Variants in SPMAP2L observed in about 807,000 individuals in gnomAD.
The protein encoded by SPMAP2L is sperm microtubule associated protein 2 like, also known as sperm microtubule associated protein 2-like.
At chr4:56,535,223 C>A in the SPMAP2L span, among the ~76,000 whole-genome samples, 1 of 152,114 alleles carries the variant, frequency 6.6e-6, no homozygotes, top group Admixed American at 6.5e-5. Flanking sequence ...CATCTCTTGC[C>A]TGGTCTAAGG....
the SPMAP2L span, among the ~76,000 whole-genome samples, chr4:56,537,263 T>C: frequency 6.6e-6 from 1 of 152,138 alleles, no homozygotes; most frequent in Non-Finnish European, 1.5e-5. Context: ...TTAAAAAATA[T>C]TTACACTTTT....
the SPMAP2L span, among the ~76,000 whole-genome samples, chr4:56,549,081 C>T: frequency 0.023 from 3,480 of 151,548 alleles, 132 homozygotes; most frequent in African/African-American, 0.074. Flanking sequence ...CTCTGCCTCC[C>T]GGGTTCAAGT....
the SPMAP2L span, among the ~76,000 whole-genome samples, chr4:56,564,765 C>T: frequency 1.3e-5 from 2 of 151,926 alleles, no homozygotes; most frequent in African/African-American, 2.4e-5. Context: ...AGATCGTTGA[C>T]TTGAGACCTT....
the SPMAP2L span, among the ~76,000 whole-genome samples, chr4:56,592,698 G>T: frequency 3.9e-5 from 6 of 152,010 alleles, no homozygotes; most frequent in East Asian, 1.2e-3. Flanking sequence ...CTCCTGGGCC[G>T]CGGGGTCGGG....
At chr4:56,598,560 G>C in the SPMAP2L span, among the ~76,000 whole-genome samples, 3 of 152,034 alleles carry the variant, frequency 2.0e-5, no homozygotes, top group Non-Finnish European at 4.4e-5. Flanking sequence ...AGAGACTTGA[G>C]TGAGGGAGAG....
At chr4:56,564,921 G>A in the SPMAP2L span, among the ~76,000 whole-genome samples, 1 of 152,066 alleles carries the variant, frequency 6.6e-6, no homozygotes, top group Non-Finnish European at 1.5e-5. Context: ...TCATGTTTGA[G>A]CCATGGATAT....
At chr4:56,595,297 G>A in the SPMAP2L span, 23 of 1,612,508 alleles carry the variant, frequency 1.4e-5, no homozygotes, top group Non-Finnish European at 1.8e-5. Flanking sequence ...GGCAGTGGAT[G>A]TGGCCAAGAG....
chr4:56,566,695 C>CTTTTTTTT, the SPMAP2L span, among the ~76,000 whole-genome samples: 127 of 92,396 alleles, frequency 1.4e-3, no homozygotes, highest in Non-Finnish European at 1.7e-3. Context: ...TTTTCTTTTT[C>CTTTTTTTT]TTTTTTTTTT....
At chr4:56,576,226 G>C in the SPMAP2L span, among the ~76,000 whole-genome samples, 1 of 152,132 alleles carries the variant, frequency 6.6e-6, no homozygotes, top group Non-Finnish European at 1.5e-5. Context: ...TAATAAACTT[G>C]AGACTATTCA....
the SPMAP2L span, among the ~76,000 whole-genome samples, chr4:56,573,012 T>C: frequency 7.4e-6 from 1 of 135,076 alleles, no homozygotes; most frequent in Non-Finnish European, 1.5e-5. Context: ...CAAGACTCTA[T>C]CTCCAAAAAA....
At chr4:56,547,391 A>G in the SPMAP2L span, among the ~76,000 whole-genome samples, 2 of 152,034 alleles carry the variant, frequency 1.3e-5, no homozygotes, top group East Asian at 3.9e-4. Context: ...GATTACAGGC[A>G]CACACCACTA....
the SPMAP2L span, among the ~76,000 whole-genome samples, chr4:56,578,668 C>T: frequency 5.3e-5 from 8 of 152,146 alleles, no homozygotes; most frequent in South Asian, 6.2e-4. Context: ...ATACCATGCA[C>T]GCCAACCAAA....
chr4:56,616,058 G>A, the SPMAP2L span, among the ~76,000 whole-genome samples: 1 of 152,172 alleles, frequency 6.6e-6, no homozygotes, highest in Non-Finnish European at 1.5e-5. Context: ...GGAGCTCCCA[G>A]GTGATGCTAG....
the SPMAP2L span, among the ~76,000 whole-genome samples, chr4:56,618,971 T>G: frequency 4.6e-3 from 700 of 152,286 alleles, 8 homozygotes; most frequent in African/African-American, 0.016. Context: ...TGTTTTTGTT[T>G]ATATGTTCTG....
the SPMAP2L span, among the ~76,000 whole-genome samples, chr4:56,617,523 G>A: frequency 1.3e-5 from 2 of 152,084 alleles, no homozygotes; most frequent in East Asian, 3.9e-4. Context: ...GTGCCCCACT[G>A]CTCAAACCTC....
the SPMAP2L span, among the ~76,000 whole-genome samples, chr4:56,574,300 T>TC: frequency 6.6e-6 from 1 of 151,894 alleles, no homozygotes; most frequent in Non-Finnish European, 1.5e-5. Context: ...AAACTTGTAG[T>TC]CCCCCCTACT....
At chr4:56,543,765 A>G in the SPMAP2L span, among the ~76,000 whole-genome samples, 1 of 152,294 alleles carries the variant, frequency 6.6e-6, no homozygotes, top group East Asian at 1.9e-4. Context: ...ATGAGATTAT[A>G]TTCCCAAGAA....
chr4:56,530,782 G>T, the SPMAP2L span: 2 of 1,535,262 alleles, frequency 1.3e-6, no homozygotes, highest in African/African-American at 1.4e-5. Flanking sequence ...GAAGCCCATT[G>T]TGCTCAGGAT....
chr4:56,595,314 G>A, the SPMAP2L span: 2 of 1,611,934 alleles, frequency 1.2e-6, no homozygotes, highest in South Asian at 2.2e-5. Flanking sequence ...AGAGACTCCA[G>A]GATTATGGAT....
Sources: gnomAD v4.1 joint callset for allele counts (sites outside exome capture counted in the v4.1 genomes callset) on GRCh38, gnomAD v4.1.1 for gene constraint, MANE v1.5 for transcripts, NCBI Gene and HGNC (gene_info 2026-07-23, HGNC 2026-07-21) for gene names.